The following GPC5 variants were observed in gnomAD, a reference collection of about 807,000 sequenced individuals.
The protein encoded by GPC5 is glypican-5.
In GPC5, 47 loss-of-function variants were observed where a neutral mutation model predicts 53.9. The observed-to-expected ratio is 0.87, with a 90% CI of 0.69 to 1.11. The LOEUF (loss-of-function observed/expected upper bound fraction) is 1.11, where lower values mean the gene tolerates loss of function less well. GPC5 is among the 50% of genes most tolerant of loss of function. GPC5 has a pLI of 0.00. For synonymous variants in GPC5, 286 were observed against 263.3 expected, an observed-to-expected ratio of 1.09 and a Z score of -0.84; for missense variants, 748 against 713.1, an observed-to-expected ratio of 1.05 and a Z score of -0.56.
In GPC5 at chr13:92,799,291, A is replaced by G. The variant is rs143509638; in HGVS notation, c.1562-66991A>G. Among the ~76,000 whole-genome samples the G allele has an allele frequency of 1.6e-4, 25 of 151,910 alleles. No individual in the cohort carries two copies. In the East Asian group the frequency reaches 2.9e-3, roughly 18 times the overall value. ...AGATAAAGCTACTGTGTAACTTCAA[A>G]CAGACACATATTAATATAAAATATT... On this transcript the variant is annotated intron_variant, in intron 7 of 7. Coordinates refer to ENST00000377067, the MANE Select transcript of GPC5 (RefSeq NM_004466.6).
At chr13:91,745,619 A>G (rs1236651829) in intron 4 of GPC5, among the ~76,000 whole-genome samples, 2 of 151,398 alleles carry the variant, frequency 1.3e-5, no homozygotes, top group Non-Finnish European at 2.9e-5. Flanking sequence ...GACTTAGGGG[A>G]AAAAAAAATC....
chr13:91,941,504 CTTCAAA>C (rs2039927026), intron 6 of GPC5, among the ~76,000 whole-genome samples: 3 of 152,188 alleles, frequency 2.0e-5, no homozygotes, highest in Admixed American at 2.0e-4. Context: ...GGAACTCTCT[CTTCAAA>C]GTCTGTTTCA....
At chr13:92,675,595 A>G (rs1296577624) in intron 7 of GPC5, among the ~76,000 whole-genome samples, 1 of 150,846 alleles carries the variant, frequency 6.6e-6, no homozygotes, top group Non-Finnish European at 1.5e-5. Context: ...TTTTTTAACT[A>G]TAAAGCAAGT....
chr13:92,102,485 G>GGTCCTT (rs2041475045), intron 6 of GPC5, among the ~76,000 whole-genome samples: 1 of 152,258 alleles, frequency 6.6e-6, no homozygotes, highest in Non-Finnish European at 1.5e-5. Flanking sequence ...GTTGAGGAAG[G>GGTCCTT]ACTGTATCTA....
intron 7 of GPC5, among the ~76,000 whole-genome samples, chr13:92,480,570 A>G (rs994080888): frequency 6.6e-6 from 1 of 152,200 alleles, no homozygotes; most frequent in Non-Finnish European, 1.5e-5. Context: ...TAGAATTTGC[A>G]CTTTGGAATG....
In GPC5 at chr13:91,910,388, C is replaced by T. The variant is rs150822429; in HGVS notation, c.1401+2331C>T. On this transcript the variant is annotated intron_variant, in intron 6 of 7. Transcript: ENST00000377067. ...TTAGGAGTAGGGCCATGGAAGACGT[C>T]GACATAGGAATAGGTTTCAGATCCT... 3.6e-3 allele frequency among the ~76,000 whole-genome samples: 553 copies of T among 152,196 alleles called. 8 individuals are homozygous for T. Among genetic ancestry groups the T allele is most frequent in the African/African-American group, 0.013 (531 of 41,510 alleles).
chr13:91,586,044 A>T (rs185630689), intron 2 of GPC5, among the ~76,000 whole-genome samples: 1 of 124,860 alleles, frequency 8.0e-6, no homozygotes, highest in East Asian at 2.8e-4. Context: ...GGCTTTTTAT[A>T]AAAAAATTTA....
chr13:91,725,342 C>T (rs762181201), intron 3 of GPC5, among the ~76,000 whole-genome samples: 51 of 151,994 alleles, frequency 3.4e-4, no homozygotes, highest in Non-Finnish European at 6.3e-4. Flanking sequence ...AAGTCAGAGA[C>T]GAAAAATTGT....
intron 7 of GPC5, among the ~76,000 whole-genome samples, chr13:92,504,388 A>G (rs2138939457): frequency 6.6e-6 from 1 of 152,120 alleles, no homozygotes; most frequent in South Asian, 2.1e-4. Context: ...ATTTGTCTCA[A>G]TATAGTAATA....
intron 7 of GPC5, among the ~76,000 whole-genome samples, chr13:92,264,368 C>A (rs76045490): frequency 6.6e-6 from 1 of 152,028 alleles, no homozygotes; most frequent in Non-Finnish European, 1.5e-5. Flanking sequence ...TGGAAATAGG[C>A]AAAAGAGAGG....
At chr13:92,239,981 A>AC (rs2042599129) in intron 7 of GPC5, 2 of 152,106 alleles carry the variant, frequency 1.3e-5, no homozygotes, top group Non-Finnish European at 2.9e-5. Context: ...TAATTAAAGA[A>AC]TAAATTTTCA....
chr13:91,463,930 C>T (rs1247853077), intron 2 of GPC5, among the ~76,000 whole-genome samples: 1 of 151,968 alleles, frequency 6.6e-6, no homozygotes, highest in Non-Finnish European at 1.5e-5. Context: ...AAATTACAAA[C>T]CATGTTCAGA....
At chr13:91,851,800 T>C (rs2038917037) in intron 5 of GPC5, among the ~76,000 whole-genome samples, 1 of 141,536 alleles carries the variant, frequency 7.1e-6, no homozygotes, top group Non-Finnish European at 1.5e-5. Context: ...GATTTCCAAT[T>C]TCATCCATGT....
chr13:92,406,514 G>T (rs1228349786), intron 7 of GPC5, among the ~76,000 whole-genome samples: 3 of 152,164 alleles, frequency 2.0e-5, no homozygotes, highest in African/African-American at 4.8e-5. Context: ...AGTTCATGAA[G>T]ATTTTTCTGT....
At chr13:92,512,611 C>T (rs1880615060) in intron 7 of GPC5, among the ~76,000 whole-genome samples, 1 of 152,026 alleles carries the variant, frequency 6.6e-6, no homozygotes, top group Admixed American at 6.5e-5. Context: ...TCACCTATTT[C>T]TTCATTTTCC....
chr13:92,665,803 T>C (rs1349871344), intron 7 of GPC5, among the ~76,000 whole-genome samples: 3 of 152,190 alleles, frequency 2.0e-5, no homozygotes, highest in Non-Finnish European at 2.9e-5. Context: ...ATGCCTTATG[T>C]GTACTTGTGG....
At chr13:91,997,639 C>T (rs921760377) in intron 6 of GPC5, among the ~76,000 whole-genome samples, 1 of 152,154 alleles carries the variant, frequency 6.6e-6, no homozygotes, top group Non-Finnish European at 1.5e-5. Context: ...CTGCCTCAGC[C>T]TCCCGAGTAG....
chr13:92,662,170 T>A (rs950348121), intron 7 of GPC5, among the ~76,000 whole-genome samples: 1 of 152,172 alleles, frequency 6.6e-6, no homozygotes, highest in Non-Finnish European at 1.5e-5. Flanking sequence ...ACTCCCAATG[T>A]GTTTAGATTG....
chr13:91,718,587 T>C (rs2036396800), intron 3 of GPC5, among the ~76,000 whole-genome samples: 1 of 151,958 alleles, frequency 6.6e-6, no homozygotes, highest in Non-Finnish European at 1.5e-5. Context: ...AGCTCAATGG[T>C]CATGTGAGGA....
Sources: gnomAD v4.1 joint callset for allele counts (sites outside exome capture counted in the v4.1 genomes callset) on GRCh38, gnomAD v4.1.1 for gene constraint, MANE v1.5 for transcripts, NCBI Gene and HGNC (gene_info 2026-07-23, HGNC 2026-07-21) for gene names.